TRPM3: variants seen among roughly 807,000 people sequenced by gnomAD.
The protein encoded by TRPM3 is long transient receptor potential channel 3.
A neutral mutation model predicts 181.2 loss-of-function variants in TRPM3; 77 were observed. The observed-to-expected ratio is 0.42, with a 90% CI of 0.35 to 0.51. The LOEUF is 0.51. Among genes scored for constraint, TRPM3 ranks in the 20% least tolerant of loss-of-function variants. The pLI, the probability that TRPM3 is intolerant of heterozygous loss-of-function variation, is 0.01. For missense variants in TRPM3, 1,759 were observed against 2,196.7 expected, an observed-to-expected ratio of 0.80 and a Z score of 3.98; for synonymous variants, 745 against 796.4, an observed-to-expected ratio of 0.94 and a Z score of 1.09.
intron 1 of TRPM3, among the ~76,000 whole-genome samples, chr9:70,949,466 G>C (rs2096972648): frequency 6.6e-6 from 1 of 152,170 alleles, no homozygotes; most frequent in South Asian, 2.1e-4. Context: ...CCAGTAAAAG[G>C]AGGAAGTGAA....
intron 1 of TRPM3, among the ~76,000 whole-genome samples, chr9:70,953,669 C>T (rs574708037): frequency 2.7e-4 from 41 of 152,236 alleles, no homozygotes; most frequent in African/African-American, 9.6e-4. Flanking sequence ...GACTATCCCT[C>T]CCCACCAGGT....
At chr9:71,359,837 G>A (rs770302753) in intron 1 of TRPM3, among the ~76,000 whole-genome samples, 6 of 152,004 alleles carry the variant, frequency 3.9e-5, no homozygotes, top group South Asian at 2.1e-4. Flanking sequence ...AATAAAATGC[G>A]AATAATGAGA....
intron 1 of TRPM3, among the ~76,000 whole-genome samples, chr9:71,232,770 T>C (rs578021867): frequency 6.6e-6 from 1 of 152,212 alleles, no homozygotes; most frequent in Non-Finnish European, 1.5e-5. Context: ...AGTGCTAGGA[T>C]TACAGGAGTG....
intron 1 of TRPM3, among the ~76,000 whole-genome samples, chr9:71,380,309 TA>T (rs1003293868): frequency 3.0e-4 from 45 of 151,614 alleles, no homozygotes; most frequent in African/African-American, 6.3e-4. Flanking sequence ...AAACAATGAT[TA>T]AAAAAAAATC....
intron 7 of TRPM3, among the ~76,000 whole-genome samples, chr9:70,762,911 CTG>C (rs2135314748): frequency 6.6e-6 from 1 of 152,252 alleles, no homozygotes; most frequent in South Asian, 2.1e-4. Context: ...CTCTTCATCA[CTG>C]TGGCTATTTG....
intron 1 of TRPM3, among the ~76,000 whole-genome samples, chr9:71,435,102 C>T (rs2094012947): frequency 1.3e-5 from 2 of 152,058 alleles, no homozygotes; most frequent in Admixed American, 6.6e-5. Context: ...TTTAATTAAT[C>T]AATAACTCAA....
intron 1 of TRPM3, among the ~76,000 whole-genome samples, chr9:71,051,384 CAAG>C (rs1427542384): frequency 6.6e-6 from 1 of 152,086 alleles, no homozygotes; most frequent in Non-Finnish European, 1.5e-5. Context: ...ACTGTGAGTT[CAAG>C]ATTACCATTC....
At chr9:70,861,430 C>G (rs1001407910) in intron 3 of TRPM3, among the ~76,000 whole-genome samples, 9 of 152,140 alleles carry the variant, frequency 5.9e-5, no homozygotes, top group African/African-American at 1.9e-4. Flanking sequence ...TGACCAGAGG[C>G]TTATCATATG....
intron 22 of TRPM3, 33 bp from the exon 23 acceptor site, chr9:70,553,343 A>G (rs1342159351): frequency 6.2e-7 from 1 of 1,607,942 alleles, no homozygotes; most frequent in East Asian, 2.2e-5. Flanking sequence ...GAAATGAGAA[A>G]CTGGCTATTT....
chr9:70,561,860 G>A (rs974801857), intron 22 of TRPM3, among the ~76,000 whole-genome samples: 1 of 152,166 alleles, frequency 6.6e-6, no homozygotes. Context: ...TAGATAGTAA[G>A]GGATGACACT....
intron 1 of TRPM3, among the ~76,000 whole-genome samples, chr9:71,290,790 A>C (rs73649710): frequency 0.058 from 8,822 of 152,188 alleles, 831 homozygotes; most frequent in African/African-American, 0.2. Flanking sequence ...CAAGAGGTAA[A>C]TGTATTAGGT....
intron 1 of TRPM3, among the ~76,000 whole-genome samples, chr9:71,050,439 T>A (rs1382956809): frequency 6.6e-6 from 1 of 152,182 alleles, no homozygotes; most frequent in East Asian, 1.9e-4. Context: ...TAGACTAGTT[T>A]TAAAGTCCCT....
At chr9:70,572,521 G>A (rs2052716452) in intron 22 of TRPM3, among the ~76,000 whole-genome samples, 2 of 152,030 alleles carry the variant, frequency 1.3e-5, no homozygotes, top group African/African-American at 2.4e-5. Context: ...GTTTCCTCCG[G>A]TTGTTGACAG....
intron 1 of TRPM3, among the ~76,000 whole-genome samples, chr9:71,148,415 T>C (rs1269803506): frequency 6.6e-6 from 1 of 152,182 alleles, no homozygotes; most frequent in Non-Finnish European, 1.5e-5. Flanking sequence ...ACAACAATAC[T>C]TGCAATGTCT....
intron 1 of TRPM3, among the ~76,000 whole-genome samples, chr9:71,172,201 G>A (rs552504702): frequency 9.2e-5 from 14 of 151,594 alleles, no homozygotes; most frequent in South Asian, 4.2e-4. Context: ...TGTGCCCAGC[G>A]CATAGAAGGC....
intron 1 of TRPM3, among the ~76,000 whole-genome samples, chr9:71,325,937 G>T (rs2089652595): frequency 6.6e-6 from 1 of 152,134 alleles, no homozygotes; most frequent in African/African-American, 2.4e-5. Flanking sequence ...GGAAGCTTGG[G>T]CAGAATCTAG....
intron 21 of TRPM3, among the ~76,000 whole-genome samples, chr9:70,591,524 G>T (rs1225562371): frequency 2.0e-5 from 3 of 152,170 alleles, no homozygotes; most frequent in Non-Finnish European, 4.4e-5. Context: ...ATAAATGGAA[G>T]CTTAGGCCTC....
chr9:70,901,669 A>G (rs1014424800), intron 1 of TRPM3, among the ~76,000 whole-genome samples: 5 of 152,232 alleles, frequency 3.3e-5, no homozygotes, highest in Non-Finnish European at 4.4e-5. Flanking sequence ...GGAGAGGAGC[A>G]GCAATATGTG....
chr9:70,924,477 A>G (rs1023585190), intron 1 of TRPM3, among the ~76,000 whole-genome samples: 1 of 152,174 alleles, frequency 6.6e-6, no homozygotes, highest in African/African-American at 2.4e-5. Context: ...GTATTTCAAC[A>G]TCATTAAATA....
Sources: gnomAD v4.1 joint callset for allele counts (sites outside exome capture counted in the v4.1 genomes callset) on GRCh38, gnomAD v4.1.1 for gene constraint, MANE v1.5 for transcripts, NCBI Gene and HGNC (gene_info 2026-07-23, HGNC 2026-07-21) for gene names.